RCL1: variants seen among roughly 807,000 people sequenced by gnomAD.
RCL1 encodes the protein RNA 3'-terminal phosphate cyclase-like protein.
Under a neutral mutation model 42.4 loss-of-function variants are expected in RCL1, and 24 were observed. The observed-to-expected ratio is 0.57, with a 90% CI of 0.41 to 0.80. RCL1 has a LOEUF of 0.80. RCL1 is among the 30% of genes least tolerant of loss of function. RCL1 has a pLI of 0.00. For synonymous variants in RCL1, 228 were observed against 177.3 expected (o/e 1.29, Z -2.27); for missense variants, 578 against 467.9 (o/e 1.24, Z -2.17).
chr9:4,812,096 A>G (rs922185058), intron 1 of RCL1, among the ~76,000 whole-genome samples: 1 of 152,104 alleles, frequency 6.6e-6, no homozygotes, highest in South Asian at 2.1e-4. Flanking sequence ...CTGGTTATTA[A>G]TCCCTTGTTG....
chr9:4,810,336 C>T (rs1816130313), intron 1 of RCL1, among the ~76,000 whole-genome samples: 1 of 152,144 alleles, frequency 6.6e-6, no homozygotes, highest in Non-Finnish European at 1.5e-5. Flanking sequence ...TGCCCAGCCA[C>T]ACCATTCCCT....
At chr9:4,841,026 C>A (rs1336343810) in intron 5 of RCL1, among the ~76,000 whole-genome samples, 1 of 151,910 alleles carries the variant, frequency 6.6e-6, no homozygotes, top group Non-Finnish European at 1.5e-5. Context: ...TCCACTGTCT[C>A]TATTGTTTGG....
chr9:4,852,652 T>C (rs1424775430), intron 8 of RCL1, among the ~76,000 whole-genome samples: 1 of 152,180 alleles, frequency 6.6e-6, no homozygotes, highest in Non-Finnish European at 1.5e-5. Context: ...AAGCTTAGAT[T>C]AAGTCAGATG....
intron 5 of RCL1, among the ~76,000 whole-genome samples, chr9:4,834,750 C>A (rs1025314983): frequency 1.3e-5 from 2 of 152,080 alleles, no homozygotes; most frequent in Non-Finnish European, 2.9e-5. Flanking sequence ...TGAATGATAT[C>A]TACTATTAAG....
At chr9:4,851,308 A>G (rs1376327778) in intron 8 of RCL1, among the ~76,000 whole-genome samples, 1 of 152,178 alleles carries the variant, frequency 6.6e-6, no homozygotes, top group Non-Finnish European at 1.5e-5. Context: ...GGGCTTAGAG[A>G]TATTCTGCTG....
chr9:4,801,680 C>T (rs1252909837), intron 1 of RCL1, among the ~76,000 whole-genome samples: 1 of 144,150 alleles, frequency 6.9e-6, no homozygotes, highest in Non-Finnish European at 1.5e-5. Flanking sequence ...TCTAAGAACT[C>T]TTTGCCTAGC....
rs34915834 is a variant in RCL1 at position 4,832,805 on chromosome 9, CAAAAAAAAA to C, written c.385-332_385-324del. The stretch of plus-strand genomic sequence containing the variant: ...CCTGGTGACAGAGCGAGATTCCACT[CAAAAAAAAA>C]AAAAAAAAAAAAAAAAGTAGGGTTC... On this transcript the variant is annotated intron_variant, in intron 3 of 8. Transcript: ENST00000381750. 6.6e-4 allele frequency among the ~76,000 whole-genome samples: 26 copies of C among 39,314 alleles called. No individual in the cohort carries two copies. In the East Asian group the frequency reaches 0.02, roughly 30 times the overall value. The allele number at this position is 39,314 out of a possible 152,430, so 25.8% of individuals were successfully genotyped here. A position where few individuals can be genotyped will look rare whatever the true frequency, so the allele number is the denominator to read the frequency against.
chr9:4,826,956 C>G lies in RCL1; in HGVS notation c.307C>G (p.Leu103Val), dbSNP rs1816783845. The change falls in exon 3 of 9, where the codon CTT becomes GTT. Residue 103 changes from leucine to valine, a missense_variant. Transcript: ENST00000381750. ...RGIGYYLESL[L>V]CLAPFMKHPL... Reference sequence around the variant, plus strand: ...CATTGGGTATTACCTGGAGAGTCTTCTTTGCTTGGCTCCATTTATGAAGCA... The same window carrying G: ...CATTGGGTATTACCTGGAGAGTCTTGTTTGCTTGGCTCCATTTATGAAGCA... The G allele has an allele frequency of 1.2e-6, 2 of 1,614,148 alleles. No homozygotes were observed. The highest frequency in any genetic ancestry group is 1.7e-6 in the Non-Finnish European group (2 of 1,180,026).
At chr9:4,796,608 G>A (rs1360950945) in intron 1 of RCL1, among the ~76,000 whole-genome samples, 3 of 152,078 alleles carry the variant, frequency 2.0e-5, no homozygotes, top group East Asian at 1.9e-4. Flanking sequence ...CTATGTTGCC[G>A]AGGCTGGTCT....
chr9:4,829,141 C>A (rs1218187391), intron 3 of RCL1, among the ~76,000 whole-genome samples: 2 of 152,130 alleles, frequency 1.3e-5, no homozygotes, highest in East Asian at 3.9e-4. Flanking sequence ...AGGATGAATA[C>A]CCTTGGGCTC....
intron 2 of RCL1, among the ~76,000 whole-genome samples, chr9:4,823,993 A>G (rs1816677700): frequency 6.6e-6 from 1 of 152,166 alleles, no homozygotes; most frequent in Admixed American, 6.5e-5. Context: ...AAGTCTCCCA[A>G]TTTGAAGGGC....
intron 1 of RCL1, among the ~76,000 whole-genome samples, chr9:4,819,679 C>T (rs1355425801): frequency 1.8e-4 from 28 of 152,230 alleles, no homozygotes; most frequent in African/African-American, 5.1e-4. Flanking sequence ...TGGTGGCACG[C>T]GCCTGTAGTC....
At chr9:4,809,972 A>G (rs758555067) in intron 1 of RCL1, among the ~76,000 whole-genome samples, 2 of 152,042 alleles carry the variant, frequency 1.3e-5, no homozygotes, top group African/African-American at 4.8e-5. Context: ...GTGCACCACT[A>G]TGCCCAGCTA....
chr9:4,796,710 C>CT (rs1197869869), intron 1 of RCL1, among the ~76,000 whole-genome samples: 1 of 152,134 alleles, frequency 6.6e-6, no homozygotes, highest in Non-Finnish European at 1.5e-5. Flanking sequence ...TGATTTCATT[C>CT]TTTTTTATGG....
At chr9:4,822,658 A>T (rs1816633685) in intron 1 of RCL1, among the ~76,000 whole-genome samples, 1 of 152,022 alleles carries the variant, frequency 6.6e-6, no homozygotes, top group Non-Finnish European at 1.5e-5. Context: ...TCTCTACAAA[A>T]ATAAAATAAG....
intron 3 of RCL1, among the ~76,000 whole-genome samples, chr9:4,830,272 A>C (rs1458617608): frequency 1.3e-5 from 2 of 152,198 alleles, no homozygotes; most frequent in East Asian, 3.8e-4. Context: ...ATTCTTCCAG[A>C]AGGTTTTAAG....
chr9:4,856,976 T>C (rs1411359477), intron 8 of RCL1, among the ~76,000 whole-genome samples: 1 of 152,216 alleles, frequency 6.6e-6, no homozygotes, highest in East Asian at 1.9e-4. Flanking sequence ...GGAGGGAAAT[T>C]CATCAAGGCA....
intron 8 of RCL1, among the ~76,000 whole-genome samples, chr9:4,853,561 T>C (rs1407221050): frequency 1.3e-5 from 2 of 152,018 alleles, no homozygotes; most frequent in African/African-American, 4.8e-5. Context: ...GACCTGGTGA[T>C]CCACATGCTT....
chr9:4,843,422 G>T (rs1817401103), intron 6 of RCL1, among the ~76,000 whole-genome samples: 1 of 151,968 alleles, frequency 6.6e-6, no homozygotes, highest in Non-Finnish European at 1.5e-5. Flanking sequence ...AAGCTGTGGA[G>T]GCTGGCCTTT....
Sources: gnomAD v4.1 joint callset for allele counts (sites outside exome capture counted in the v4.1 genomes callset) on GRCh38, gnomAD v4.1.1 for gene constraint, MANE v1.5 for transcripts, NCBI Gene and HGNC (gene_info 2026-07-23, HGNC 2026-07-21) for gene names.